Variants in PTPRN2 observed in about 807,000 individuals in gnomAD.
The protein encoded by PTPRN2 is receptor-type tyrosine-protein phosphatase N2.
In PTPRN2, 74 loss-of-function variants were observed where a neutral mutation model predicts 118.8. That is an observed-to-expected ratio of 0.62 (90% CI 0.52 to 0.76). The LOEUF is 0.76. PTPRN2 is among the 30% of genes least tolerant of loss of function. The pLI is 0.00. For synonymous variants in PTPRN2, 641 were observed against 608.0 expected (o/e 1.05, Z -0.80); for missense variants, 1,481 against 1,394.4 (o/e 1.06, Z -0.99).
In PTPRN2 at chr7:157,611,452, C is replaced by T. The variant is rs572119457; in HGVS notation, c.2345-7377G>A. Among the ~76,000 whole-genome samples, 10 of 152,232 alleles carry T rather than the reference C, an allele frequency of 6.6e-5. No homozygotes were observed. The highest frequency in any genetic ancestry group is 2.6e-4 in the Admixed American group (4 of 15,304). Reference sequence around the variant, plus strand: ...GACGCCAAAGGTGTGTGGGGGTTGCCGTGGCCAGGCAGCGCCCGCCCAGTC... The same window carrying T: ...GACGCCAAAGGTGTGTGGGGGTTGCTGTGGCCAGGCAGCGCCCGCCCAGTC... On this transcript the variant is annotated intron_variant, in intron 15 of 22. Coordinates refer to ENST00000389418, the MANE Select transcript of PTPRN2 (RefSeq NM_002847.5). This position sits in a 1 kb window ranked among gnomAD's most constrained non-coding sequence, Gnocchi z 5.9.
chr7:157,633,267 A>G (rs1804076948), intron 14 of PTPRN2, among the ~76,000 whole-genome samples: 1 of 152,046 alleles, frequency 6.6e-6, no homozygotes, highest in Admixed American at 6.5e-5. Flanking sequence ...CAGCCTCCCA[A>G]GTAGCTAGGA....
At chr7:157,996,542 G>A (rs999229278) in intron 11 of PTPRN2, among the ~76,000 whole-genome samples, 1 of 152,224 alleles carries the variant, frequency 6.6e-6, no homozygotes, top group Non-Finnish European at 1.5e-5. Flanking sequence ...AAGGCGGGCA[G>A]CTCCTGCGTG....
intron 12 of PTPRN2, among the ~76,000 whole-genome samples, chr7:157,889,815 G>T (rs74552781): frequency 0.12 from 18,393 of 152,276 alleles, 1,155 homozygotes; most frequent in East Asian, 0.19. Flanking sequence ...CCTGCAGGAT[G>T]CAGCTCTTTA....
intron 13 of PTPRN2, among the ~76,000 whole-genome samples, chr7:157,678,705 G>C (rs1183996020): frequency 2.0e-5 from 3 of 152,136 alleles, no homozygotes; most frequent in Non-Finnish European, 4.4e-5. Context: ...TTTCCTCTGG[G>C]TTTGGTTCCA....
chr7:157,657,462 ACACACATACAC>A (rs1795597016), intron 13 of PTPRN2, among the ~76,000 whole-genome samples: 1 of 95,402 alleles, frequency 1.0e-5, no homozygotes, highest in African/African-American at 3.8e-5. Context: ...ACACATATAC[ACACACATACAC>A]CACACACACC....
chr7:157,812,011 G>A (rs1806075090), intron 12 of PTPRN2, among the ~76,000 whole-genome samples: 2 of 152,136 alleles, frequency 1.3e-5, no homozygotes, highest in African/African-American at 2.4e-5. Context: ...AAAAAGCCTC[G>A]CTCTGAGGAC....
At chr7:158,049,002 C>CCATCAT in intron 11 of PTPRN2, among the ~76,000 whole-genome samples, 1 of 142,310 alleles carries the variant, frequency 7.0e-6, no homozygotes, top group Non-Finnish European at 1.5e-5. Context: ...ATTACCATCA[C>CCATCAT]ATCACCACCA....
rs1374595175 is a variant in PTPRN2, at chr7:157,986,318, T to C, written c.1724-87581A>G. ...CTGCCAAGCGGATGAGGCTTCGCTT[T>C]AGGACCATGGACTCTGGCGGCAGAT... On this transcript the variant is annotated intron_variant, in intron 11 of 22. Coordinates refer to ENST00000389418, the MANE Select transcript of PTPRN2 (RefSeq NM_002847.5). The surrounding 1 kb of genome is among the most constrained non-coding windows in gnomAD (Gnocchi z 4.5). 6.6e-6 allele frequency among the ~76,000 whole-genome samples: 1 copy of C among 152,204 alleles called. No individual in the cohort carries two copies. The highest frequency in any genetic ancestry group is 2.4e-5 in the African/African-American group (1 of 41,458).
chr7:157,657,239 CCA>C (rs751536423), intron 13 of PTPRN2, among the ~76,000 whole-genome samples: 1 of 89,520 alleles, frequency 1.1e-5, no homozygotes, highest in Non-Finnish European at 2.3e-5. Context: ...CACACACACA[CCA>C]CACACATCAC....
chr7:158,252,749 C>T (rs926340567), intron 3 of PTPRN2, among the ~76,000 whole-genome samples: 1 of 152,306 alleles, frequency 6.6e-6, no homozygotes, highest in South Asian at 2.1e-4. Context: ...AATCACACAG[C>T]ACATCCCGAC....
At chr7:158,372,616 C>T (rs1041450095) in intron 2 of PTPRN2, among the ~76,000 whole-genome samples, 5 of 149,208 alleles carry the variant, frequency 3.4e-5, no homozygotes, top group African/African-American at 7.4e-5. Context: ...GTCCCCACCA[C>T]GCTGGTCCCC....
chr7:158,094,598 C>T (rs1308322434), intron 10 of PTPRN2, among the ~76,000 whole-genome samples: 2 of 152,200 alleles, frequency 1.3e-5, no homozygotes, highest in Admixed American at 6.5e-5. Context: ...TGAGCCACTG[C>T]TCCCGGCCCC....
chr7:158,356,402 T>A (rs1808386889), intron 2 of PTPRN2, among the ~76,000 whole-genome samples: 1 of 152,228 alleles, frequency 6.6e-6, no homozygotes, highest in South Asian at 2.1e-4. Context: ...TGTGGGAACA[T>A]TTGCTTCTTT....
In PTPRN2 at chr7:157,962,687, G is replaced by C. The variant is rs150540580; in HGVS notation, c.1724-63950C>G. On this transcript the variant is annotated intron_variant, in intron 11 of 22. Coordinates refer to ENST00000389418, the MANE Select transcript of PTPRN2 (RefSeq NM_002847.5). ...CAAGCTGGAAGAGTCCGGTGGGAAGGGTTTTCAGTGACAAGCATAGGAAGG... is the reference window on the plus strand; with the variant it reads ...CAAGCTGGAAGAGTCCGGTGGGAAGCGTTTTCAGTGACAAGCATAGGAAGG... Among the ~76,000 whole-genome samples the C allele has an allele frequency of 5.6e-3, 851 of 152,268 alleles. 11 individuals are homozygous for C. The highest frequency in any genetic ancestry group is 0.019 in the African/African-American group (805 of 41,530).
intron 12 of PTPRN2, among the ~76,000 whole-genome samples, chr7:157,750,300 C>T (rs1801383560): frequency 6.6e-6 from 1 of 152,062 alleles, no homozygotes; most frequent in Admixed American, 6.6e-5. Context: ...TGGTTTTGGC[C>T]AAACGATCAA....
At chr7:157,699,999 G>A (rs1232775915) in intron 12 of PTPRN2, among the ~76,000 whole-genome samples, 1 of 152,156 alleles carries the variant, frequency 6.6e-6, no homozygotes, top group Non-Finnish European at 1.5e-5. Flanking sequence ...GTAACTATAT[G>A]TCTCCCTAAT....
rs182393174 is a variant in PTPRN2 at position 157,874,643 on chromosome 7, C to T, written c.1788+24030G>A. Among the ~76,000 whole-genome samples, 18 of 152,176 alleles carry T rather than the reference C, an allele frequency of 1.2e-4. No individual in the cohort carries two copies. Among genetic ancestry groups the T allele is most frequent in the Admixed American group, 9.2e-4 (14 of 15,280 alleles). On this transcript the variant is annotated intron_variant, in intron 12 of 22. Coordinates refer to ENST00000389418, the MANE Select transcript of PTPRN2 (RefSeq NM_002847.5). The surrounding 1 kb of genome is among the most constrained non-coding windows in gnomAD (Gnocchi z 5.8). ...AGAAGCGGAGGGGGGCAGAGAAGGCCGTGCCACCCAGCAGCACAAGGCAGG... is the reference window on the plus strand; with the variant it reads ...AGAAGCGGAGGGGGGCAGAGAAGGCTGTGCCACCCAGCAGCACAAGGCAGG...
chr7:158,157,356 A>G (rs1299171714), intron 6 of PTPRN2, among the ~76,000 whole-genome samples: 3 of 152,254 alleles, frequency 2.0e-5, no homozygotes, highest in African/African-American at 7.2e-5. Context: ...CAGCAAATGC[A>G]GCTGGCTTAC....
At chr7:157,731,844 G>T (rs367708481) in intron 12 of PTPRN2, among the ~76,000 whole-genome samples, 1 of 67,344 alleles carries the variant, frequency 1.5e-5, no homozygotes, top group Non-Finnish European at 3.1e-5. Context: ...ACCCTTTTCC[G>T]CCCCATGCGC....
Sources: allele counts gnomAD v4.1 joint callset (sites outside exome capture counted in the v4.1 genomes callset), GRCh38; gene constraint gnomAD v4.1.1; non-coding constraint Gnocchi (gnomAD v3.1); transcripts MANE v1.5; gene names NCBI Gene and HGNC (gene_info 2026-07-23, HGNC 2026-07-21).